Variants in EPHA5 observed in about 807,000 individuals in gnomAD.
EPHA5 encodes EPH receptor A5, also known as ephrin type-A receptor 5.
In EPHA5, 60 loss-of-function variants were observed where a neutral mutation model predicts 105.0. That is an observed-to-expected ratio of 0.57 (90% CI 0.46 to 0.71). The LOEUF is 0.71. Ranked by LOEUF, EPHA5 falls within the 30% of genes least tolerant of loss-of-function variation. The probability of loss-of-function intolerance (pLI) is 0.00; values close to 1 mark genes in which losing one functional copy is unlikely to be tolerated. For missense variants in EPHA5, 1,218 were observed against 1,274.7 expected (o/e 0.96, Z 0.68); for synonymous variants, 513 against 449.1 (o/e 1.14, Z -1.80).
chr4:65,574,212 A>C (rs1205171952), intron 3 of EPHA5: 2 of 1,603,700 alleles, frequency 1.2e-6, no homozygotes, highest in Non-Finnish European at 1.7e-6. Flanking sequence ...GATTGATCAG[A>C]AAGCTGTGGA....
intron 10 of EPHA5, among the ~76,000 whole-genome samples, chr4:65,365,405 T>A (rs1055605556): frequency 1.3e-5 from 2 of 151,040 alleles, no homozygotes; most frequent in Non-Finnish European, 3.0e-5. Flanking sequence ...TTGGAACAAA[T>A]CATAACAGAG....
chr4:65,534,053 A>G (rs2149308045), intron 3 of EPHA5, among the ~76,000 whole-genome samples: 1 of 152,266 alleles, frequency 6.6e-6, no homozygotes, highest in Middle Eastern at 3.4e-3. Flanking sequence ...CTCTCTGGAA[A>G]ACTCACTAAT....
At chr4:65,627,574 G>C (rs1746265466) in intron 2 of EPHA5, among the ~76,000 whole-genome samples, 1 of 152,092 alleles carries the variant, frequency 6.6e-6, no homozygotes, top group Non-Finnish European at 1.5e-5. Context: ...AAAAGCATAT[G>C]CACTTGATGG....
At chr4:65,550,100 A>T (rs1017512397) in intron 3 of EPHA5, among the ~76,000 whole-genome samples, 6 of 152,042 alleles carry the variant, frequency 3.9e-5, no homozygotes, top group Admixed American at 2.6e-4. Flanking sequence ...AAGCATAAAA[A>T]GATAATACAT....
chr4:65,618,921 T>G (rs7667677), intron 2 of EPHA5, among the ~76,000 whole-genome samples: 132,563 of 152,192 alleles, frequency 0.87, 58,068 homozygotes, highest in Non-Finnish European at 0.91. Flanking sequence ...TTGGGAGGCC[T>G]AGGCGGGTAG....
chr4:65,602,064 C>A lies in EPHA5; in HGVS notation c.487G>T (p.Gly163Trp), dbSNP rs2149440294. 1.2e-6 allele frequency: 2 copies of A among 1,614,096 alleles called. No homozygotes were observed. Among genetic ancestry groups the A allele is most frequent in the Non-Finnish European group, 1.7e-6 (2 of 1,180,014 alleles). ...TATTGGTTTTCCTTGATGTTTCTCC[C>A]ATTCTGATCATCTGACTCAAAGTAA... ...MYYFESDDQN[G>W]RNIKENQYIK... Residue 163 changes from glycine to tryptophan, a missense_variant, in exon 3 of 17, where the codon GGG becomes TGG. Physicochemically the swap from Gly to Trp is radical, Grantham distance 184. This residue lies in a region of EPHA5 where 233 missense variants were observed against 227.5 expected (regional missense o/e 1.02). Transcript: ENST00000613740.
intron 6 of EPHA5, among the ~76,000 whole-genome samples, chr4:65,417,213 C>T (rs1031843844): frequency 3.9e-5 from 6 of 152,348 alleles, no homozygotes; most frequent in African/African-American, 1.4e-4. Context: ...AGGGCAATCA[C>T]AGGCAGAAAT....
chr4:65,667,738 A>G (rs1750077689), intron 1 of EPHA5, among the ~76,000 whole-genome samples: 1 of 151,716 alleles, frequency 6.6e-6, no homozygotes, highest in African/African-American at 2.4e-5. Flanking sequence ...AATTCTTCCA[A>G]TTTTCTAACC....
intron 8 of EPHA5, among the ~76,000 whole-genome samples, chr4:65,370,563 A>G (rs149956523): frequency 6.6e-6 from 1 of 152,254 alleles, no homozygotes; most frequent in East Asian, 1.9e-4. Context: ...CAAAAAAATA[A>G]ATAATACGCT....
chr4:65,661,941 C>G (rs146426570), intron 1 of EPHA5, among the ~76,000 whole-genome samples: 3 of 152,300 alleles, frequency 2.0e-5, no homozygotes, highest in Non-Finnish European at 4.4e-5. Context: ...TTGACACAAT[C>G]TATTCTGCAG....
intron 11 of EPHA5, among the ~76,000 whole-genome samples, chr4:65,360,620 A>G (rs1326735293): frequency 6.6e-6 from 1 of 151,662 alleles, no homozygotes; most frequent in Non-Finnish European, 1.5e-5. Context: ...AACTAAGCTT[A>G]CTAAATTCTT....
intron 8 of EPHA5, among the ~76,000 whole-genome samples, chr4:65,384,958 C>T (rs1414866386): frequency 6.6e-6 from 1 of 151,502 alleles, no homozygotes; most frequent in African/African-American, 2.4e-5. Context: ...AGTCATTTCA[C>T]AGCTGAAACA....
At chr4:65,363,195 A>G (rs745312043) in intron 11 of EPHA5, among the ~76,000 whole-genome samples, 180 of 151,634 alleles carry the variant, frequency 1.2e-3, no homozygotes, top group Non-Finnish European at 2.2e-3. Flanking sequence ...GCATAGGAAG[A>G]AAGATAAGTG....
intron 8 of EPHA5, among the ~76,000 whole-genome samples, chr4:65,380,703 G>T (rs534728140): frequency 6.6e-6 from 1 of 151,816 alleles, no homozygotes; most frequent in South Asian, 2.1e-4. Context: ...CTAAAAGGCT[G>T]CATAATTTTC....
chr4:65,648,406 A>C (rs947045266), intron 1 of EPHA5, among the ~76,000 whole-genome samples: 1 of 152,198 alleles, frequency 6.6e-6, no homozygotes, highest in Non-Finnish European at 1.5e-5. Context: ...GACTTTGAAG[A>C]GTCAAAAGAT....
intron 1 of EPHA5, among the ~76,000 whole-genome samples, chr4:65,646,350 A>C (rs1365769115): frequency 2.0e-5 from 3 of 152,204 alleles, no homozygotes; most frequent in African/African-American, 7.2e-5. Flanking sequence ...TTATGAATGA[A>C]TAATCTGGTC....
At chr4:65,367,301 A>G (rs1577932033) in intron 9 of EPHA5, 56 bp downstream of exon 9, 4 of 1,427,262 alleles carry the variant, frequency 2.8e-6, no homozygotes, top group East Asian at 4.7e-5. Flanking sequence ...AGAAACTTAA[A>G]TAACAATAAA....
intron 8 of EPHA5, among the ~76,000 whole-genome samples, chr4:65,398,976 A>T (rs1721532198): frequency 6.6e-6 from 1 of 152,232 alleles, no homozygotes; most frequent in Non-Finnish European, 1.5e-5. Flanking sequence ...GTGAGAGTGG[A>T]AGAGCTGTAA....
intron 3 of EPHA5, among the ~76,000 whole-genome samples, chr4:65,544,018 C>T (rs1257784711): frequency 1.3e-5 from 2 of 151,946 alleles, no homozygotes; most frequent in African/African-American, 2.4e-5. Context: ...ACTAGCTAGC[C>T]GTATGCAGAA....
Sources: allele counts gnomAD v4.1 joint callset (sites outside exome capture counted in the v4.1 genomes callset), GRCh38; gene constraint gnomAD v4.1.1; regional missense constraint gnomAD v4.1.1; transcripts MANE v1.5; gene names NCBI Gene and HGNC (gene_info 2026-07-23, HGNC 2026-07-21).